The following IL7 variants were observed in gnomAD, a reference collection of about 807,000 sequenced individuals.
The protein encoded by IL7 is interleukin 7, also known as interleukin-7.
IL7 carries 3 observed loss-of-function variants against 21.6 expected under a neutral mutation model. The observed-to-expected ratio is 0.14, with a 90% CI of 0.06 to 0.36. The LOEUF (loss-of-function observed/expected upper bound fraction) is 0.36, where lower values mean the gene tolerates loss of function less well. Among genes scored for constraint, IL7 ranks in the 10% least tolerant of loss-of-function variants. The pLI is 1.00. For synonymous variants in IL7, 62 were observed against 68.1 expected, an observed-to-expected ratio of 0.91 and a Z score of 0.44; for missense variants, 175 against 200.2, an observed-to-expected ratio of 0.87 and a Z score of 0.76.
intron 3 of IL7, among the ~76,000 whole-genome samples, chr8:78,721,686 C>T (rs1410205854): frequency 1.3e-5 from 2 of 151,930 alleles, no homozygotes; most frequent in Non-Finnish European, 2.9e-5. Context: ...TAAAACCTGT[C>T]ATGGGGCGTT....
chr8:78,744,652 G>T (rs1811916185), intron 2 of IL7, among the ~76,000 whole-genome samples: 1 of 152,190 alleles, frequency 6.6e-6, no homozygotes, highest in Admixed American at 6.5e-5. Context: ...TATGCACAAG[G>T]ATCTAATCTC....
Position 78,736,963 on chromosome 8 carries a change from C to T in IL7, c.361-436G>A, listed in dbSNP as rs187667002. On this transcript the variant is annotated intron_variant, in intron 4 of 5. Coordinates refer to ENST00000263851, the MANE Select transcript of IL7 (RefSeq NM_000880.4). ...ACAATAGTAAAAAGCTTGTAGCGTG[C>T]CTGGCTCATGAAGAAAATTCAGTGT... 3.2e-3 allele frequency among the ~76,000 whole-genome samples: 484 copies of T among 152,180 alleles called. 2 individuals are homozygous for T. The highest frequency in any genetic ancestry group is 4.6e-3 in the Non-Finnish European group (313 of 67,960).
intron 2 of IL7, among the ~76,000 whole-genome samples, chr8:78,752,719 T>C (rs1204185187): frequency 6.6e-6 from 1 of 152,128 alleles, no homozygotes; most frequent in African/African-American, 2.4e-5. Flanking sequence ...ACATTAGGTA[T>C]CTCTCTTAAT....
chr8:78,732,880 TAC>T lies in IL7; in HGVS notation c.*831_*832del, dbSNP rs1334062321. On this transcript the variant is annotated 3_prime_UTR_variant, in exon 6 of 6. Transcript: ENST00000263851. ...ATACAGATATAGTGTCAAAATTAAA[TAC>T]AGATATTTCATTAATTAAAAGGTAA... 2 of 152,054 alleles carry T rather than the reference TAC, an allele frequency of 1.3e-5. No homozygotes were observed. The highest frequency in any genetic ancestry group is 4.8e-5 in the African/African-American group (2 of 41,434). The allele number at this position is 152,054 out of a possible 1,614,324, so 9.4% of individuals were successfully genotyped here.
At chr8:78,697,478 G>T in intron 3 of IL7, 1 of 1,606,762 alleles carries the variant, frequency 6.2e-7, no homozygotes, top group Non-Finnish European at 8.5e-7. Context: ...GATTACCGCA[G>T]CCAAGTGGCG....
At chr8:78,778,842 C>T (rs1459726691) in intron 2 of IL7, among the ~76,000 whole-genome samples, 2 of 152,010 alleles carry the variant, frequency 1.3e-5, no homozygotes, top group East Asian at 1.9e-4. Context: ...GGCAGTATGG[C>T]CATTTTCACA....
chr8:78,735,596 C>T (rs1406473222), intron 5 of IL7, among the ~76,000 whole-genome samples: 6 of 152,110 alleles, frequency 3.9e-5, no homozygotes, highest in Admixed American at 3.9e-4. Context: ...GCGTGAGCCA[C>T]CGCACCCAAC....
At chr8:78,792,664 C>T (rs913216864) in intron 2 of IL7, among the ~76,000 whole-genome samples, 3 of 151,706 alleles carry the variant, frequency 2.0e-5, no homozygotes, top group African/African-American at 7.3e-5. Context: ...ATAATAACAG[C>T]CAATAATGAA....
At chr8:78,691,488 A>C (rs1053347855) in intron 3 of IL7, among the ~76,000 whole-genome samples, 2 of 151,990 alleles carry the variant, frequency 1.3e-5, no homozygotes, top group African/African-American at 4.8e-5. Flanking sequence ...TTGCATTGCT[A>C]TAATTGGTTT....
chr8:78,755,196 T>C (rs1193799927), intron 2 of IL7, among the ~76,000 whole-genome samples: 1 of 151,978 alleles, frequency 6.6e-6, no homozygotes, highest in African/African-American at 2.4e-5. Flanking sequence ...TATGTGTCTG[T>C]TTTTATACCA....
chr8:78,751,257 G>T (rs764544612), intron 2 of IL7, among the ~76,000 whole-genome samples: 2 of 152,194 alleles, frequency 1.3e-5, no homozygotes, highest in Non-Finnish European at 2.9e-5. Context: ...GTGGAGAAAA[G>T]AAACAACTTA....
intron 3 of IL7, among the ~76,000 whole-genome samples, chr8:78,724,675 G>A (rs1351984725): frequency 1.3e-5 from 2 of 151,964 alleles, no homozygotes; most frequent in Non-Finnish European, 2.9e-5. Flanking sequence ...TTTTCCATAT[G>A]TCTTACTATC....
chr8:78,768,017 G>A (rs1429146230), intron 2 of IL7, among the ~76,000 whole-genome samples: 3 of 151,998 alleles, frequency 2.0e-5, no homozygotes, highest in East Asian at 1.9e-4. Flanking sequence ...GAGAATATGC[G>A]GTGTTTGGCT....
downstream of IL7, among the ~76,000 whole-genome samples, chr8:78,675,588 A>G (rs991487733): frequency 7.2e-5 from 11 of 151,954 alleles, no homozygotes; most frequent in Non-Finnish European, 1.6e-4. Flanking sequence ...ACTCCTCCAT[A>G]TTTATCCTGA....
chr8:78,737,420 G>T (rs565917114), intron 4 of IL7, among the ~76,000 whole-genome samples: 6 of 152,098 alleles, frequency 3.9e-5, no homozygotes, highest in Non-Finnish European at 8.8e-5. Flanking sequence ...TGAATCTTGA[G>T]CCGAGCCTTG....
chr8:78,683,732 GGA>G (rs1809864756), intron 4 of IL7, among the ~76,000 whole-genome samples: 1 of 152,060 alleles, frequency 6.6e-6, no homozygotes, highest in African/African-American at 2.4e-5. Flanking sequence ...TTTCTCCCCA[GGA>G]AATGGATTTT....
chr8:78,774,928 G>A (rs1295973980), intron 2 of IL7, among the ~76,000 whole-genome samples: 1 of 151,882 alleles, frequency 6.6e-6, no homozygotes, highest in Non-Finnish European at 1.5e-5. Flanking sequence ...AAATCAATTG[G>A]TGAAATTCAC....
In IL7 at chr8:78,805,021, G is replaced by T; in HGVS notation, c.-99C>A. ...TCCCAGGACCCTGGTCTTCCGCGGA[G>T]TTGCCGAGTCTGTGTTGGGCAGGGT... On this transcript the variant is annotated 5_prime_UTR_variant, in exon 1 of 6. Transcript: ENST00000263851. 2 of 1,364,812 alleles carry T rather than the reference G, an allele frequency of 1.5e-6. No individual in the cohort carries two copies. The highest frequency in any genetic ancestry group is 2.0e-6 in the Non-Finnish European group (2 of 988,382). 84.5% of individuals were successfully genotyped at this position (1,364,812 alleles called of 1,614,324 possible). A position where few individuals can be genotyped will look rare whatever the true frequency, so the allele number is the denominator to read the frequency against.
rs138651073 is a variant in IL7, at chr8:78,777,431, T to A, written c.147+20641A>T. Among the ~76,000 whole-genome samples the A allele has an allele frequency of 8.9e-3, 1,351 of 152,148 alleles. 15 individuals carry two copies. The highest frequency in any genetic ancestry group is 0.031 in the African/African-American group (1,275 of 41,536). On this transcript the variant is annotated intron_variant, in intron 2 of 5. Transcript: ENST00000263851. ...TTGTAATTATGTTGTGGCATTAGCA[T>A]TCATCTCATTGCTCCAACTTGCAGT...
Sources: allele counts gnomAD v4.1 joint callset (sites outside exome capture counted in the v4.1 genomes callset), GRCh38; gene constraint gnomAD v4.1.1; transcripts MANE v1.5; gene names NCBI Gene and HGNC (gene_info 2026-07-23, HGNC 2026-07-21).